FAM219A: variants seen among roughly 807,000 people sequenced by gnomAD.
The protein encoded by FAM219A is protein FAM219A.
FAM219A carries 7 observed loss-of-function variants against 23.4 expected under a neutral mutation model. That is an observed-to-expected ratio of 0.30 (90% CI 0.17 to 0.56). The LOEUF (loss-of-function observed/expected upper bound fraction) is 0.56, where lower values mean the gene tolerates loss of function less well. Ranked by LOEUF, FAM219A falls within the 20% of genes least tolerant of loss-of-function variation. The pLI is 0.92. For missense variants in FAM219A, 166 were observed against 246.9 expected (o/e 0.67, Z 2.20); for synonymous variants, 93 against 99.0 (o/e 0.94, Z 0.36).
At chr9:34,448,761 G>T (rs1823456701) in intron 1 of FAM219A, among the ~76,000 whole-genome samples, 1 of 152,124 alleles carries the variant, frequency 6.6e-6, no homozygotes, top group Admixed American at 6.5e-5. Context: ...GTAAAAATGA[G>T]AAATAGAACT....
At chr9:34,415,287 G>A (rs1418681745) in intron 1 of FAM219A, among the ~76,000 whole-genome samples, 2 of 152,182 alleles carry the variant, frequency 1.3e-5, no homozygotes, top group Non-Finnish European at 2.9e-5. Flanking sequence ...GAGTTTGGGA[G>A]CTCCAACTGG....
chr9:34,448,666 T>G (rs886748578), intron 1 of FAM219A, among the ~76,000 whole-genome samples: 4 of 152,210 alleles, frequency 2.6e-5, no homozygotes, highest in Non-Finnish European at 4.4e-5. Flanking sequence ...TCAATTGAGA[T>G]GGGATTCTTC....
chr9:34,401,373 G>A (rs574281974), intron 5 of FAM219A, among the ~76,000 whole-genome samples: 2 of 152,234 alleles, frequency 1.3e-5, no homozygotes, highest in East Asian at 1.9e-4. Flanking sequence ...GCTCCTATTC[G>A]GGTTTTGCCC....
intron 1 of FAM219A, among the ~76,000 whole-genome samples, chr9:34,408,253 TAGAC>T (rs1187491660): frequency 6.6e-6 from 1 of 152,226 alleles, no homozygotes; most frequent in Admixed American, 6.5e-5. Flanking sequence ...GAGAGACTAA[TAGAC>T]AGCACCTGTC....
chr9:34,433,598 C>T (rs953761262), intron 1 of FAM219A, among the ~76,000 whole-genome samples: 1 of 152,194 alleles, frequency 6.6e-6, no homozygotes, highest in Admixed American at 6.5e-5. Context: ...AACTCCTCAA[C>T]CTGACATCCA....
At chr9:34,454,465 G>A (rs1266829048) in intron 1 of FAM219A, among the ~76,000 whole-genome samples, 2 of 152,114 alleles carry the variant, frequency 1.3e-5, no homozygotes, top group Non-Finnish European at 2.9e-5. Flanking sequence ...AAGGAGACAG[G>A]AAGAGACCCT....
chr9:34,437,499 A>C (rs2131992667), intron 1 of FAM219A, among the ~76,000 whole-genome samples: 1 of 152,306 alleles, frequency 6.6e-6, no homozygotes, highest in Admixed American at 6.5e-5. Flanking sequence ...TTAAGAGTTG[A>C]ATTAACCAGG....
chr9:34,458,057 G>T lies in FAM219A; in HGVS notation c.60+147C>A. 1 of 736,178 alleles carries T rather than the reference G, an allele frequency of 1.4e-6. No individual in the cohort carries two copies. 45.6% of individuals were successfully genotyped at this position (736,178 alleles called of 1,614,324 possible). On this transcript the variant is annotated intron_variant, in intron 1 of 5. Transcript: ENST00000651358. This position sits in a 1 kb window ranked among gnomAD's most constrained non-coding sequence, Gnocchi z 6.6. ...CTCCCACGGTTTTCTTGTCCTGCAA[G>T]TCCCCGTCCCCCGGCAATACGTTTT...
rs1821349860 is a variant in FAM219A, at chr9:34,399,621, CAG to C, written c.*1341_*1342del. ...CAACCTTTAGGTATACTGAGACACA[CAG>C]AGATTGCCCCCTCCCCACCACAGAA... On this transcript the variant is annotated 3_prime_UTR_variant, in exon 6 of 6. Transcript: ENST00000651358. 6.6e-6 allele frequency: 1 copy of C among 152,150 alleles called. No homozygotes were observed. The highest frequency in any genetic ancestry group is 1.5e-5 in the Non-Finnish European group (1 of 68,042). The allele number at this position is 152,150 out of a possible 1,614,324, so 9.4% of individuals were successfully genotyped here.
In FAM219A at chr9:34,416,810, T is replaced by G. The variant is rs28635010; in HGVS notation, c.61-10846A>C. On this transcript the variant is annotated intron_variant, in intron 1 of 5. Coordinates refer to ENST00000651358, the MANE Select transcript of FAM219A (RefSeq NM_001184940.2). The stretch of plus-strand genomic sequence containing the variant: ...TATCAGAACATAATCAGCTCTCCAT[T>G]TTTTTTTTTTTTTTTTTTTTAAATA... 7.5e-3 allele frequency among the ~76,000 whole-genome samples: 67 copies of G among 8,980 alleles called. 2 individuals are homozygous for G. The highest frequency in any genetic ancestry group is 0.013 in the Non-Finnish European group (32 of 2,438). The allele number at this position is 8,980 out of a possible 152,430, so 5.9% of individuals were successfully genotyped here.
chr9:34,402,817 A>T lies in FAM219A; in HGVS notation c.161-10T>A. On this transcript the variant is annotated splice_polypyrimidine_tract_variant and intron_variant, in intron 2 of 5. Transcript: ENST00000651358. ...AGCTCCCGCTGCTTCTCTGCAGGAG[A>T]ACATGGGAAGGAAGCTGTGTCCTGC... 1.2e-6 allele frequency: 2 copies of T among 1,613,380 alleles called. No individual in the cohort carries two copies. Among genetic ancestry groups the T allele is most frequent in the Non-Finnish European group, 1.7e-6 (2 of 1,179,510 alleles).
chr9:34,411,282 G>T (rs1821810448), intron 1 of FAM219A, among the ~76,000 whole-genome samples: 1 of 152,114 alleles, frequency 6.6e-6, no homozygotes, highest in Non-Finnish European at 1.5e-5. Context: ...GGGCATGCTG[G>T]CATGCACCTG....
chr9:34,436,255 GTTTT>G lies in FAM219A; in HGVS notation c.60+21945_60+21948del, dbSNP rs991827341. 4.0e-5 allele frequency among the ~76,000 whole-genome samples: 6 copies of G among 150,678 alleles called. No homozygotes were observed. The South Asian group carries it at 1.3e-3, about 32-fold the overall frequency. Reference sequence around the variant, plus strand: ...ATTATAATTTCTGGGATTTTTTTGGGTTTTTTTTGAGACAAGGTCTCACTCTGTC... The same window carrying G: ...ATTATAATTTCTGGGATTTTTTTGGGTTTTGAGACAAGGTCTCACTCTGTC... On this transcript the variant is annotated intron_variant, in intron 1 of 5. Coordinates refer to ENST00000651358, the MANE Select transcript of FAM219A (RefSeq NM_001184940.2).
intron 1 of FAM219A, among the ~76,000 whole-genome samples, chr9:34,421,445 G>A (rs1286787294): frequency 6.6e-6 from 1 of 152,062 alleles, no homozygotes; most frequent in Non-Finnish European, 1.5e-5. Context: ...TTGCAGGAAC[G>A]TCTCTGCAGG....
At chr9:34,413,217 T>TG (rs763206521) in intron 1 of FAM219A, among the ~76,000 whole-genome samples, 5 of 143,148 alleles carry the variant, frequency 3.5e-5, no homozygotes, top group Admixed American at 7.1e-5. Context: ...TCAGATAACA[T>TG]GGAGGCAGAA....
chr9:34,414,314 A>C (rs1821924562), intron 1 of FAM219A, among the ~76,000 whole-genome samples: 1 of 152,050 alleles, frequency 6.6e-6, no homozygotes. Context: ...TCTGAATCCC[A>C]CTGTTGGGTA....
intron 1 of FAM219A, among the ~76,000 whole-genome samples, chr9:34,446,276 T>A (rs1178129087): frequency 6.6e-6 from 1 of 151,798 alleles, no homozygotes; most frequent in Non-Finnish European, 1.5e-5. Flanking sequence ...ACAGGACAGG[T>A]AAATGGAGAG....
chr9:34,417,026 T>C lies in FAM219A; in HGVS notation c.61-11062A>G, dbSNP rs1822063859. ...TCCTTCTTCCTTCTTCCTTCTTCCC[T>C]CTTCCCTCCTCCTTCTTCCCCTTCC... On this transcript the variant is annotated intron_variant, in intron 1 of 5. Transcript: ENST00000651358. The surrounding 1 kb of genome is among the most constrained non-coding windows in gnomAD (Gnocchi z 4.1). 6.6e-6 allele frequency among the ~76,000 whole-genome samples: 1 copy of C among 151,750 alleles called. No homozygotes were observed. Among genetic ancestry groups the C allele is most frequent in the African/African-American group, 2.4e-5 (1 of 41,304 alleles).
rs1821432814 is a variant in FAM219A, at chr9:34,401,586, G to A, written c.399+80C>T. 7.4e-6 allele frequency: 11 copies of A among 1,489,304 alleles called. No homozygotes were observed. In the South Asian group the frequency reaches 1.1e-4, roughly 15 times the overall value. The allele number at this position is 1,489,304 out of a possible 1,614,324, so 92.3% of individuals were successfully genotyped here. On this transcript the variant is annotated intron_variant, in intron 5 of 5. Transcript: ENST00000651358. Reference sequence around the variant, plus strand: ...CCCAGCCCTCTTTTTCCTTGTACTTGGGCATTGGCCCCAGCCCTCCCCCGG... The same window carrying A: ...CCCAGCCCTCTTTTTCCTTGTACTTAGGCATTGGCCCCAGCCCTCCCCCGG...
Sources: gnomAD v4.1 joint callset for allele counts (sites outside exome capture counted in the v4.1 genomes callset) on GRCh38, gnomAD v4.1.1 for gene constraint, Gnocchi (gnomAD v3.1) non-coding constraint, MANE v1.5 for transcripts, NCBI Gene and HGNC (gene_info 2026-07-23, HGNC 2026-07-21) for gene names.